Variants in SPATA18 observed in about 807,000 individuals in gnomAD.
SPATA18 encodes mitochondria-eating protein.
A neutral mutation model predicts 68.1 loss-of-function variants in SPATA18; 54 were observed. The ratio of observed to expected loss-of-function variants is 0.79; its 90% CI spans 0.64 to 0.99. The LOEUF (loss-of-function observed/expected upper bound fraction) is 0.99. Among genes scored for constraint, SPATA18 ranks in the 50% least tolerant of loss-of-function variants. The pLI is 0.00. For synonymous variants in SPATA18, 242 were observed against 244.8 expected (o/e 0.99, Z 0.11); for missense variants, 724 against 681.1 (o/e 1.06, Z -0.70).
At chr4:52,062,678 T>A (rs535994217) in intron 4 of SPATA18, among the ~76,000 whole-genome samples, 38 of 151,934 alleles carry the variant, frequency 2.5e-4, no homozygotes, top group Admixed American at 1.3e-3. Flanking sequence ...GGGAGAAAAA[T>A]TTTTAAAAAG....
At chr4:52,051,870 T>A in intron 1 of SPATA18, 79 bp downstream of exon 1, 1 of 1,338,736 alleles carries the variant, frequency 7.5e-7, no homozygotes, top group South Asian at 1.2e-5. Flanking sequence ...TTCTTAGGGC[T>A]GGAGTTGGTG....
intron 4 of SPATA18, among the ~76,000 whole-genome samples, chr4:52,064,865 G>T (rs1739188640): frequency 6.6e-6 from 1 of 152,186 alleles, no homozygotes; most frequent in African/African-American, 2.4e-5. Context: ...TTCAATAGTG[G>T]TTGTACTAGT....
chr4:52,077,865 TG>T (rs1269676479), intron 7 of SPATA18, among the ~76,000 whole-genome samples: 1 of 152,164 alleles, frequency 6.6e-6, no homozygotes, highest in Non-Finnish European at 1.5e-5. Flanking sequence ...TATGGGTTAG[TG>T]TCATACTAAG....
chr4:52,052,305 C>A (rs557552009), intron 1 of SPATA18, among the ~76,000 whole-genome samples: 10 of 152,296 alleles, frequency 6.6e-5, no homozygotes, highest in Non-Finnish European at 1.3e-4. Flanking sequence ...CACTTGTTAA[C>A]GTTGCGGGTT....
At chr4:52,078,635 C>T in intron 7 of SPATA18, 100 bp from the exon 8 acceptor site, 1 of 1,079,462 alleles carries the variant, frequency 9.3e-7, no homozygotes, top group East Asian at 2.5e-5. Context: ...TATCAGAAGA[C>T]CAATATGATG....
At chr4:52,084,172 GA>G (rs1741213861) in intron 10 of SPATA18, among the ~76,000 whole-genome samples, 1 of 152,036 alleles carries the variant, frequency 6.6e-6, no homozygotes, top group Non-Finnish European at 1.5e-5. Flanking sequence ...ACTCTGTTAA[GA>G]AGATCTTATC....
chr4:52,094,003 T>C (rs1331336057), intron 11 of SPATA18, among the ~76,000 whole-genome samples: 4 of 152,178 alleles, frequency 2.6e-5, no homozygotes, highest in African/African-American at 4.8e-5. Flanking sequence ...TCAGCATCTA[T>C]TTATCTAGAG....
chr4:52,051,663 A>C lies in SPATA18; in HGVS notation c.-42A>C. 6.3e-7 allele frequency: 1 copy of C among 1,597,968 alleles called. No homozygotes were observed. The highest frequency in any genetic ancestry group is 8.6e-7 in the Non-Finnish European group (1 of 1,165,352). On this transcript the variant is annotated 5_prime_UTR_variant, in exon 1 of 13. Transcript: ENST00000295213. ...CGGAGGCCACCGCCTGGTCCCCCCA[A>C]GTCTCCATCGCGCAGCGTGGGGCCG... is the stretch of plus-strand genomic sequence containing the variant.
Position 52,069,920 on chromosome 4 carries a change from A to G in SPATA18, c.518+4A>G. The G allele has an allele frequency of 6.3e-7, 1 of 1,583,874 alleles. No individual in the cohort carries two copies. The highest frequency in any genetic ancestry group is 8.6e-7 in the Non-Finnish European group (1 of 1,162,014). ...AAATAAATCAGCTGAAAAAGCAGTA[A>G]GAAAAAAATTACAGGATTATTGCAG... On this transcript the variant is annotated splice_donor_region_variant and intron_variant, in intron 5 of 12. Coordinates refer to ENST00000295213, the MANE Select transcript of SPATA18 (RefSeq NM_145263.4).
chr4:52,065,756 T>C (rs1052927684), intron 4 of SPATA18, among the ~76,000 whole-genome samples: 6 of 152,188 alleles, frequency 3.9e-5, no homozygotes, highest in East Asian at 1.9e-4. Flanking sequence ...ATGTCTAACC[T>C]TGTAGAGACT....
At position 52,082,514 on chromosome 4, in the gene SPATA18, C is replaced by T. The variant is rs1362968546; in HGVS notation, c.1479+4C>T. The T allele has an allele frequency of 9.3e-6, 15 of 1,613,874 alleles. No homozygotes were observed. Among genetic ancestry groups the T allele is most frequent in the East Asian group, 6.7e-5 (3 of 44,872 alleles). ...TGTCACCAGGAGAGGGGCTTTTGTA[C>T]GGTGGCCTTGCATAGTGACAATTCA... On this transcript the variant is annotated splice_donor_region_variant and intron_variant, in intron 10 of 12. Coordinates refer to ENST00000295213, the MANE Select transcript of SPATA18 (RefSeq NM_145263.4).
intron 9 of SPATA18, 110 bp downstream of exon 9, chr4:52,080,029 A>T (rs535251029): frequency 1.7e-6 from 2 of 1,207,674 alleles, no homozygotes; most frequent in Admixed American, 2.3e-5. Context: ...ATTAACAGAC[A>T]CTACCTGATT....
intron 11 of SPATA18, among the ~76,000 whole-genome samples, chr4:52,092,237 C>T (rs1742022948): frequency 6.6e-6 from 1 of 151,932 alleles, no homozygotes; most frequent in South Asian, 2.1e-4. Context: ...TGCTGGTGTT[C>T]CAGGCGCCAC....
intron 11 of SPATA18, among the ~76,000 whole-genome samples, chr4:52,088,275 C>A (rs987886408): frequency 6.6e-6 from 1 of 152,054 alleles, no homozygotes; most frequent in Non-Finnish European, 1.5e-5. Flanking sequence ...TTTTCTCTTG[C>A]CTGATTGCCC....
intron 4 of SPATA18, among the ~76,000 whole-genome samples, chr4:52,069,563 T>C (rs1054876916): frequency 2.6e-5 from 4 of 152,226 alleles, no homozygotes; most frequent in African/African-American, 9.6e-5. Flanking sequence ...TATATTCTAA[T>C]ACTAATAGTC....
Position 52,060,371 on chromosome 4 carries a change from C to T in SPATA18, c.88-48C>T, listed in dbSNP as rs183316171. ...AGGCCCTGGTCTGTCTGCAGTGGGTCCCAGAGTGAAGTAATTACCCTGGTT... is the reference window on the plus strand; with the variant it reads ...AGGCCCTGGTCTGTCTGCAGTGGGTTCCAGAGTGAAGTAATTACCCTGGTT... On this transcript the variant is annotated intron_variant, in intron 1 of 12. Transcript: ENST00000295213. 8.2e-4 allele frequency: 1,228 copies of T among 1,506,386 alleles called. 2 individuals are homozygous for T. The highest frequency in any genetic ancestry group is 1.0e-3 in the Non-Finnish European group (1,110 of 1,089,434). 93.3% of individuals were successfully genotyped at this position (1,506,386 alleles called of 1,614,324 possible).
At chr4:52,057,694 G>A (rs1738470656) in intron 1 of SPATA18, among the ~76,000 whole-genome samples, 1 of 152,158 alleles carries the variant, frequency 6.6e-6, no homozygotes, top group African/African-American at 2.4e-5. Flanking sequence ...TTTTCTAAGG[G>A]AATGCAGCTG....
At chr4:52,074,331 G>A (rs1003943425) in intron 6 of SPATA18, among the ~76,000 whole-genome samples, 1 of 152,170 alleles carries the variant, frequency 6.6e-6, no homozygotes, top group African/African-American at 2.4e-5. Context: ...CAGGTAATAT[G>A]GTGTTGATTG....
At chr4:52,057,178 C>A (rs1738424649) in intron 1 of SPATA18, among the ~76,000 whole-genome samples, 1 of 151,948 alleles carries the variant, frequency 6.6e-6, no homozygotes, top group Admixed American at 6.6e-5. Flanking sequence ...TGACTGCAGG[C>A]AACTTTTTTT....
Sources: allele counts gnomAD v4.1 joint callset (sites outside exome capture counted in the v4.1 genomes callset), GRCh38; gene constraint gnomAD v4.1.1; transcripts MANE v1.5; gene names NCBI Gene and HGNC (gene_info 2026-07-23, HGNC 2026-07-21).